The following GRID2 variants were observed in gnomAD, a reference collection of about 807,000 sequenced individuals.
The protein encoded by GRID2 is glutamate receptor ionotropic, delta-2.
Under a neutral mutation model 114.8 loss-of-function variants are expected in GRID2, and 33 were observed. That is an observed-to-expected ratio of 0.29 (90% CI 0.22 to 0.38). GRID2 has a LOEUF of 0.38. GRID2 is among the 10% of genes least tolerant of loss of function. The pLI is 1.00. For synonymous variants in GRID2, 505 were observed against 449.9 expected, an observed-to-expected ratio of 1.12 and a Z score of -1.55; for missense variants, 1,184 against 1,257.7, an observed-to-expected ratio of 0.94 and a Z score of 0.89.
chr4:92,534,646 A>G (rs146385320), intron 1 of GRID2, among the ~76,000 whole-genome samples: 49 of 152,264 alleles, frequency 3.2e-4, no homozygotes, highest in African/African-American at 1.1e-3. Flanking sequence ...GAATGACACT[A>G]TAACAAATAT....
intron 6 of GRID2, among the ~76,000 whole-genome samples, chr4:93,221,661 A>G (rs968070013): frequency 1.3e-5 from 2 of 152,228 alleles, no homozygotes; most frequent in Admixed American, 1.3e-4. Context: ...TTACCAAAAG[A>G]TCAGTTAATG....
intron 8 of GRID2, among the ~76,000 whole-genome samples, chr4:93,280,758 T>A (rs1273220720): frequency 2.0e-5 from 3 of 151,960 alleles, no homozygotes; most frequent in Non-Finnish European, 4.4e-5. Context: ...TTGAAGAAAA[T>A]CTAATTTTCA....
intron 1 of GRID2, among the ~76,000 whole-genome samples, chr4:92,580,736 A>T (rs573799771): frequency 6.6e-6 from 1 of 151,422 alleles, no homozygotes; most frequent in Non-Finnish European, 1.5e-5. Flanking sequence ...CAATTCTCAC[A>T]TTTTTTTTGT....
chr4:92,646,012 C>A (rs752421383), intron 2 of GRID2, among the ~76,000 whole-genome samples: 2 of 151,710 alleles, frequency 1.3e-5, no homozygotes, highest in African/African-American at 4.8e-5. Context: ...AGGATGACAA[C>A]TGAAAAAGAA....
At chr4:93,265,688 G>T (rs541763604) in intron 8 of GRID2, among the ~76,000 whole-genome samples, 1 of 152,230 alleles carries the variant, frequency 6.6e-6, no homozygotes, top group South Asian at 2.1e-4. Flanking sequence ...AAACAAGTAA[G>T]GTAATTATTT....
Position 93,751,722 on chromosome 4 carries a change from G to A in GRID2, c.2361-17488G>A, listed in dbSNP as rs142745472. Among the ~76,000 whole-genome samples, 20 of 152,220 alleles carry A rather than the reference G, an allele frequency of 1.3e-4. No individual in the cohort carries two copies. The East Asian group carries it at 3.7e-3, about 28-fold the overall frequency. On this transcript the variant is annotated intron_variant, in intron 14 of 15. Coordinates refer to ENST00000282020, the MANE Select transcript of GRID2 (RefSeq NM_001510.4). Reference sequence around the variant, plus strand: ...ATTCTGTCCCTCAAACTAAACCCAGGTCAGTGAGAGGTTAGCGAAAACACG... The same window carrying A: ...ATTCTGTCCCTCAAACTAAACCCAGATCAGTGAGAGGTTAGCGAAAACACG...
chr4:92,338,820 C>T (rs763920951), intron 1 of GRID2, among the ~76,000 whole-genome samples: 43 of 152,158 alleles, frequency 2.8e-4, no homozygotes, highest in Non-Finnish European at 5.4e-4. Flanking sequence ...AAATTATAAT[C>T]TTGACTCCTA....
chr4:93,537,045 A>T (rs931251902), intron 13 of GRID2, among the ~76,000 whole-genome samples: 6 of 151,630 alleles, frequency 4.0e-5, no homozygotes, highest in Non-Finnish European at 8.9e-5. Flanking sequence ...ATCTAAAAAA[A>T]TCCTTGAAAT....
At chr4:93,672,898 A>G (rs1217820073) in intron 14 of GRID2, among the ~76,000 whole-genome samples, 3 of 152,214 alleles carry the variant, frequency 2.0e-5, no homozygotes, top group Non-Finnish European at 4.4e-5. Flanking sequence ...AAAAAAGTTG[A>G]ATGTAAAAGG....
At chr4:93,475,821 A>G (rs1246783784) in intron 11 of GRID2, among the ~76,000 whole-genome samples, 3 of 152,148 alleles carry the variant, frequency 2.0e-5, no homozygotes, top group Non-Finnish European at 4.4e-5. Context: ...TAATGGCACT[A>G]GAATTTATAT....
chr4:93,086,646 G>T (rs1226502499), intron 3 of GRID2, among the ~76,000 whole-genome samples: 1 of 152,074 alleles, frequency 6.6e-6, no homozygotes, highest in Admixed American at 6.6e-5. Flanking sequence ...TATTTTTGTT[G>T]CTTAATTCAC....
intron 14 of GRID2, among the ~76,000 whole-genome samples, chr4:93,760,740 C>T (rs1164896516): frequency 1.3e-5 from 2 of 152,232 alleles, no homozygotes; most frequent in African/African-American, 4.8e-5. Context: ...AAACCATTTT[C>T]ATATCTTTGA....
In GRID2 at chr4:93,472,279, C is replaced by T. The variant is rs145903876; in HGVS notation, c.1858+16305C>T. 6.6e-3 allele frequency among the ~76,000 whole-genome samples: 1,000 copies of T among 151,898 alleles called. 12 individuals carry two copies. Among genetic ancestry groups the T allele is most frequent in the African/African-American group, 0.023 (951 of 41,456 alleles). ...CGGAGGTTGCAGTGAACCAAGATCA[C>T]GCCATTGCACTCTAACCTGGGCAAC... On this transcript the variant is annotated intron_variant, in intron 11 of 15. Transcript: ENST00000282020.
At chr4:92,637,407 C>T (rs1413205955) in intron 2 of GRID2, among the ~76,000 whole-genome samples, 1 of 151,938 alleles carries the variant, frequency 6.6e-6, no homozygotes, top group African/African-American at 2.4e-5. Flanking sequence ...ATATTTTTGG[C>T]ATAATGAAAC....
chr4:93,418,747 T>G (rs1199416769), intron 9 of GRID2, among the ~76,000 whole-genome samples: 1 of 152,086 alleles, frequency 6.6e-6, no homozygotes, highest in Non-Finnish European at 1.5e-5. Flanking sequence ...GACATCATAT[T>G]CAAAAATTAT....
chr4:92,839,881 G>A (rs1485988494), intron 2 of GRID2, among the ~76,000 whole-genome samples: 2 of 151,930 alleles, frequency 1.3e-5, no homozygotes, highest in Non-Finnish European at 2.9e-5. Context: ...TGTTATTTTT[G>A]TGTCTGAAAG....
At chr4:93,374,505 A>G (rs966941699) in intron 8 of GRID2, among the ~76,000 whole-genome samples, 1 of 152,160 alleles carries the variant, frequency 6.6e-6, no homozygotes, top group Non-Finnish European at 1.5e-5. Context: ...TTTGGTTAGT[A>G]TATTGTAACT....
chr4:93,378,672 C>T (rs559178320), intron 8 of GRID2, among the ~76,000 whole-genome samples: 7 of 152,106 alleles, frequency 4.6e-5, no homozygotes, highest in East Asian at 1.9e-4. Context: ...GCTTAGAGAA[C>T]GGTCCTGTTT....
intron 2 of GRID2, among the ~76,000 whole-genome samples, chr4:92,781,901 C>T (rs1049941729): frequency 9.9e-5 from 15 of 152,040 alleles, no homozygotes; most frequent in Admixed American, 9.8e-4. Context: ...CATCAATTTA[C>T]AGTTTATTAT....
Sources: gnomAD v4.1 joint callset for allele counts (sites outside exome capture counted in the v4.1 genomes callset) on GRCh38, gnomAD v4.1.1 for gene constraint, MANE v1.5 for transcripts, NCBI Gene and HGNC (gene_info 2026-07-23, HGNC 2026-07-21) for gene names.